Variants in VTA1 observed in about 807,000 individuals in gnomAD.
The protein encoded by VTA1 is vacuolar protein sorting-associated protein VTA1 homolog.
A neutral mutation model predicts 36.9 loss-of-function variants in VTA1; 24 were observed. The ratio of observed to expected loss-of-function variants is 0.65; its 90% confidence interval spans 0.47 to 0.91. VTA1 has a LOEUF of 0.91. Among genes scored for constraint, VTA1 ranks in the 40% least tolerant of loss-of-function variants. VTA1 has a pLI of 0.00. For synonymous variants in VTA1, 142 were observed against 130.2 expected (o/e 1.09, Z -0.62); for missense variants, 393 against 377.2 (o/e 1.04, Z -0.35).
At chr6:142,169,502 A>G (rs758468133) in intron 2 of VTA1, 48 bp from the exon 3 acceptor site, 3 of 1,567,018 alleles carry the variant, frequency 1.9e-6, no homozygotes, top group South Asian at 2.4e-5. Context: ...TTAAGTCAAC[A>G]CTTCTGAGAG....
intron 3 of VTA1, among the ~76,000 whole-genome samples, 182 bp downstream of exon 3, chr6:142,169,859 G>A (rs920338353): frequency 1.3e-5 from 2 of 151,916 alleles, no homozygotes; most frequent in African/African-American, 4.8e-5. Context: ...TAAGAAAATG[G>A]CTGAAAGAAG....
chr6:142,198,609 A>C lies in VTA1; in HGVS notation c.691A>C (p.Ser231Arg). 2 of 1,609,378 alleles carry C rather than the reference A, an allele frequency of 1.2e-6. No individual in the cohort carries two copies. Among genetic ancestry groups the C allele is most frequent in the Non-Finnish European group, 1.7e-6 (2 of 1,177,308 alleles). ...TAATACACCAGCAGAAGTGCCTCAC[A>C]GCACAGGTGGGAAACTGTAACTGAA... ...PANTPAEVPH[S>R]TGVASNTIQP... Residue 231 changes from serine to arginine, a missense_variant, in exon 6 of 8, where the codon AGC becomes CGC. Transcript: ENST00000367630.
Position 142,221,156 on chromosome 6 carries a change from GTC to G in VTA1, c.*2517_*2518del, listed in dbSNP as rs1776102567. On this transcript the variant is annotated 3_prime_UTR_variant, in exon 8 of 8. Transcript: ENST00000367630. ...TCTCCTCAAACCGGTTCTCAAAGGT[GTC>G]TCTGGACGACCGGCATCAGCATCAC... is the stretch of plus-strand genomic sequence containing the variant. The G allele has an allele frequency of 6.6e-6, 1 of 152,178 alleles. No individual in the cohort carries two copies. The highest frequency in any genetic ancestry group is 2.1e-4 in the South Asian group (1 of 4,828). The allele number at this position is 152,178 out of a possible 1,614,324, so 9.4% of individuals were successfully genotyped here.
rs1351491401 is a variant in VTA1 at position 142,209,098 on chromosome 6, GATCTTATGCCTATAAAAACCTAAAGAC to G, written c.778+5061_778+5087del. On this transcript the variant is annotated intron_variant, in intron 7 of 7. Coordinates refer to ENST00000367630, the MANE Select transcript of VTA1 (RefSeq NM_016485.5). ...AATTAGCCTTGCTCACAGATGACAT[GATCTTATGCCTATAAAAACCTAAAGAC>G]ATCTTATGCCTATAAAAACCTAAAG... Among the ~76,000 whole-genome samples, 16 of 152,202 alleles carry G rather than the reference GATCTTATGCCTATAAAAACCTAAAGAC, an allele frequency of 1.1e-4. No individual in the cohort carries two copies. The South Asian group carries it at 2.1e-3, about 20-fold the overall frequency.
At chr6:142,147,458 A>G in intron 1 of VTA1, 59 bp downstream of exon 1, 1 of 1,516,840 alleles carries the variant, frequency 6.6e-7, no homozygotes, top group Non-Finnish European at 9.0e-7. Flanking sequence ...GGGCCCACAC[A>G]CCTCCCTGAG....
At chr6:142,165,898 G>C (rs73572398) in intron 1 of VTA1, among the ~76,000 whole-genome samples, 131 of 151,572 alleles carry the variant, frequency 8.6e-4, no homozygotes, top group African/African-American at 2.8e-3. Context: ...AGGTGCTCTT[G>C]TACATATGGT....
rs374090766 is a variant in VTA1, at chr6:142,218,667, T to C, written c.*24T>C. ...GAAGCCTTTGTATGACAGACCCATGTATTTTTGGCATGAGGAACTAACAGT... is the reference window on the plus strand; with the variant it reads ...GAAGCCTTTGTATGACAGACCCATGCATTTTTGGCATGAGGAACTAACAGT... On this transcript the variant is annotated 3_prime_UTR_variant, in exon 8 of 8. Coordinates refer to ENST00000367630, the MANE Select transcript of VTA1 (RefSeq NM_016485.5). 47 of 1,585,872 alleles carry C rather than the reference T, an allele frequency of 3.0e-5. No homozygotes were observed. Among genetic ancestry groups the C allele is most frequent in the Non-Finnish European group, 4.0e-5 (47 of 1,170,182 alleles).
At chr6:142,199,573 A>T (rs926540078) in intron 6 of VTA1, among the ~76,000 whole-genome samples, 5 of 151,788 alleles carry the variant, frequency 3.3e-5, no homozygotes, top group Admixed American at 2.0e-4. Flanking sequence ...TTTTACCCAA[A>T]TTTTTTTTAT....
chr6:142,208,984 T>A (rs760694542), intron 7 of VTA1, among the ~76,000 whole-genome samples: 16 of 152,180 alleles, frequency 1.1e-4, no homozygotes, highest in Non-Finnish European at 1.0e-4. Context: ...TATAATTTTT[T>A]AGTATAGAGC....
At chr6:142,166,510 GTTAA>G (rs146846977) in intron 2 of VTA1, among the ~76,000 whole-genome samples, 188 bp downstream of exon 2, 2,010 of 152,116 alleles carry the variant, frequency 0.013, 51 homozygotes, top group African/African-American at 0.046. Context: ...GGTTATGAGT[GTTAA>G]TTAAAGTATG....
At chr6:142,188,406 G>T (rs879941998) in intron 4 of VTA1, among the ~76,000 whole-genome samples, 1 of 151,236 alleles carries the variant, frequency 6.6e-6, no homozygotes, top group Non-Finnish European at 1.5e-5. Flanking sequence ...ATAGAAACAG[G>T]GTTTCACTGT....
chr6:142,161,414 T>C (rs934638595), intron 1 of VTA1, among the ~76,000 whole-genome samples: 2 of 152,178 alleles, frequency 1.3e-5, no homozygotes, highest in South Asian at 2.1e-4. Context: ...TATGTTCTTA[T>C]GGATAAGCAA....
At chr6:142,148,075 T>C (rs566231459) in intron 1 of VTA1, among the ~76,000 whole-genome samples, 52 of 152,380 alleles carry the variant, frequency 3.4e-4, no homozygotes, top group African/African-American at 1.2e-3. Flanking sequence ...CTGCTCAAAC[T>C]TGTAGTGAGT....
chr6:142,212,338 A>G (rs2114686990), intron 7 of VTA1, among the ~76,000 whole-genome samples: 1 of 152,362 alleles, frequency 6.6e-6, no homozygotes, highest in East Asian at 1.9e-4. Context: ...TCAGTGCTAG[A>G]AGGAAATGAG....
In VTA1 at chr6:142,149,899, A is replaced by G. The variant is rs116576224; in HGVS notation, c.112+2500A>G. On this transcript the variant is annotated intron_variant, in intron 1 of 7. Transcript: ENST00000367630. ...ATTTCTATTCTCTCATAAAAGTTTGATTAGACATGTTTTGCACTTCTCCCA... is the reference window on the plus strand; with the variant it reads ...ATTTCTATTCTCTCATAAAAGTTTGGTTAGACATGTTTTGCACTTCTCCCA... Among the ~76,000 whole-genome samples the G allele has an allele frequency of 3.5e-3, 533 of 152,124 alleles. 2 individuals are homozygous for G. The highest frequency in any genetic ancestry group is 0.012 in the African/African-American group (517 of 41,512).
chr6:142,211,987 A>G (rs915675345), intron 7 of VTA1, among the ~76,000 whole-genome samples: 3 of 152,206 alleles, frequency 2.0e-5, no homozygotes, highest in African/African-American at 7.2e-5. Context: ...CACCTATTAG[A>G]ATGGCCAAAA....
At chr6:142,217,001 G>T (rs1163810611) in intron 7 of VTA1, among the ~76,000 whole-genome samples, 1 of 152,172 alleles carries the variant, frequency 6.6e-6, no homozygotes, top group Non-Finnish European at 1.5e-5. Context: ...AACCATTAAA[G>T]AATCTGGTAG....
chr6:142,205,067 T>A (rs1008154225), intron 7 of VTA1, among the ~76,000 whole-genome samples: 7 of 152,176 alleles, frequency 4.6e-5, no homozygotes, highest in African/African-American at 1.7e-4. Context: ...TGTTAATGTC[T>A]GCCAGTGTGT....
rs893404815 is a variant in VTA1, at chr6:142,221,862, TGAA to T, written c.*3222_*3224del. The T allele has an allele frequency of 6.7e-6, 1 of 150,180 alleles. No individual in the cohort carries two copies. The highest frequency in any genetic ancestry group is 1.5e-5 in the Non-Finnish European group (1 of 67,818). 9.3% of individuals were successfully genotyped at this position (150,180 alleles called of 1,614,324 possible). ...GGCACATACCTCTAATCTCAGCTAC[TGAA>T]GAGGCTGAGGCAGGAGAATCGCTTG... On this transcript the variant is annotated 3_prime_UTR_variant, in exon 8 of 8. Coordinates refer to ENST00000367630, the MANE Select transcript of VTA1 (RefSeq NM_016485.5).
Sources: allele counts gnomAD v4.1 joint callset (sites outside exome capture counted in the v4.1 genomes callset), GRCh38; gene constraint gnomAD v4.1.1; transcripts MANE v1.5; gene names NCBI Gene and HGNC (gene_info 2026-07-23, HGNC 2026-07-21).